Variants in STX18 observed in about 807,000 individuals in gnomAD.
STX18 encodes the protein syntaxin-18.
In STX18, 40 loss-of-function variants were observed where a neutral mutation model predicts 50.1. The observed-to-expected ratio is 0.80, with a 90% CI of 0.62 to 1.04. The LOEUF (loss-of-function observed/expected upper bound fraction) is 1.04. Among genes scored for constraint, STX18 ranks in the 50% least tolerant of loss-of-function variants. The pLI is 0.00. For synonymous variants in STX18, 158 were observed against 151.8 expected, an observed-to-expected ratio of 1.04 and a Z score of -0.30; for missense variants, 410 against 415.8, an observed-to-expected ratio of 0.99 and a Z score of 0.12.
intron 1 of STX18, among the ~76,000 whole-genome samples, chr4:4,525,395 T>A (rs763669872): frequency 1.3e-5 from 2 of 152,210 alleles, no homozygotes; most frequent in African/African-American, 4.8e-5. Flanking sequence ...AAAAACTAAA[T>A]GGAAAACTGG....
In STX18 at chr4:4,508,202, C is replaced by A. The variant is rs536214517; in HGVS notation, c.168+33595G>T. On this transcript the variant is annotated intron_variant, in intron 1 of 10. Transcript: ENST00000306200. ...TTCAACTTAGGGCTCATATCTGAAA[C>A]CACTGTTACTTTGTTTTTGTTTTTT... 2.6e-5 allele frequency among the ~76,000 whole-genome samples: 4 copies of A among 152,308 alleles called. No individual in the cohort carries two copies. In the East Asian group the frequency reaches 7.7e-4, roughly 29 times the overall value.
intron 7 of STX18, among the ~76,000 whole-genome samples, chr4:4,431,863 A>C (rs1725533980): frequency 6.6e-6 from 1 of 152,030 alleles, no homozygotes; most frequent in Non-Finnish European, 1.5e-5. Context: ...GGCCCTCCTC[A>C]TCTCTCAACC....
Position 4,490,233 on chromosome 4 carries a change from A to C in STX18, c.169-18527T>G, listed in dbSNP as rs553242273. On this transcript the variant is annotated intron_variant, in intron 1 of 10. Coordinates refer to ENST00000306200, the MANE Select transcript of STX18 (RefSeq NM_016930.4). ...TTTCGAAAGCTCTACAGCATTAGTC[A>C]GCATTATCTGATCAAATATTAGCAT... is the stretch of plus-strand genomic sequence containing the variant. Among the ~76,000 whole-genome samples the C allele has an allele frequency of 2.0e-5, 3 of 152,330 alleles. No individual in the cohort carries two copies. In the South Asian group the frequency reaches 6.2e-4, roughly 32 times the overall value.
At chr4:4,471,404 G>A (rs996362343) in intron 2 of STX18, among the ~76,000 whole-genome samples, 2 of 152,158 alleles carry the variant, frequency 1.3e-5, no homozygotes, top group East Asian at 3.9e-4. Context: ...GGAGATAATG[G>A]TACATAGAGA....
chr4:4,480,652 TA>T (rs1184880939), intron 1 of STX18, among the ~76,000 whole-genome samples: 7 of 152,214 alleles, frequency 4.6e-5, no homozygotes, highest in Admixed American at 4.6e-4. Flanking sequence ...TTTCTTTTTT[TA>T]AAAAACTTTT....
chr4:4,444,787 C>T (rs1285166887), intron 5 of STX18, among the ~76,000 whole-genome samples: 1 of 150,034 alleles, frequency 6.7e-6, no homozygotes, highest in African/African-American at 2.5e-5. Context: ...CTGTGATATA[C>T]ACATAAAAAA....
At chr4:4,538,903 G>A (rs1731458698) in intron 1 of STX18, among the ~76,000 whole-genome samples, 1 of 152,132 alleles carries the variant, frequency 6.6e-6, no homozygotes, top group African/African-American at 2.4e-5. Flanking sequence ...AATAATATAA[G>A]TTCCTCCCCC....
intron 1 of STX18, chr4:4,478,746 C>T (rs1728317487): frequency 1.3e-5 from 2 of 152,276 alleles, no homozygotes; most frequent in African/African-American, 4.8e-5. Context: ...GGCCTATCTC[C>T]CAACCTTTAC....
chr4:4,479,834 A>T (rs1190258519), intron 1 of STX18, among the ~76,000 whole-genome samples: 1 of 152,240 alleles, frequency 6.6e-6, no homozygotes, highest in Non-Finnish European at 1.5e-5. Context: ...ATACACATAA[A>T]GGTTTTACTA....
At chr4:4,491,645 T>C (rs1728947130) in intron 1 of STX18, among the ~76,000 whole-genome samples, 1 of 152,146 alleles carries the variant, frequency 6.6e-6, no homozygotes, top group South Asian at 2.1e-4. Context: ...AATGGCTATG[T>C]ACTTTTAAAA....
At chr4:4,519,110 G>C (rs1227304006) in intron 1 of STX18, among the ~76,000 whole-genome samples, 1 of 152,058 alleles carries the variant, frequency 6.6e-6, no homozygotes, top group Non-Finnish European at 1.5e-5. Flanking sequence ...CAAAATCACG[G>C]TGTGACCACA....
chr4:4,509,549 G>C (rs1434991709), intron 1 of STX18, among the ~76,000 whole-genome samples: 1 of 152,008 alleles, frequency 6.6e-6, no homozygotes, highest in Non-Finnish European at 1.5e-5. Flanking sequence ...GGAGTCGAAA[G>C]ACCCTAATTT....
At chr4:4,512,297 G>T (rs1384862710) in intron 1 of STX18, among the ~76,000 whole-genome samples, 2 of 151,968 alleles carry the variant, frequency 1.3e-5, no homozygotes, top group African/African-American at 2.4e-5. Context: ...TGAAATCCAG[G>T]CCTCTGGACT....
intron 1 of STX18, among the ~76,000 whole-genome samples, chr4:4,511,202 A>G (rs937839195): frequency 2.0e-5 from 3 of 152,188 alleles, no homozygotes; most frequent in African/African-American, 7.2e-5. Flanking sequence ...AATCCATGCC[A>G]TGGCTTGAAT....
At chr4:4,505,067 G>A (rs1461490372) in intron 1 of STX18, among the ~76,000 whole-genome samples, 3 of 151,998 alleles carry the variant, frequency 2.0e-5, no homozygotes, top group Non-Finnish European at 4.4e-5. Context: ...CCCATTAGTG[G>A]TCACTCCCCA....
intron 9 of STX18, among the ~76,000 whole-genome samples, chr4:4,421,581 TTCCGCCACACTTACCATCCC>T (rs1359412990): frequency 3.9e-5 from 6 of 152,166 alleles, no homozygotes; most frequent in Admixed American, 2.0e-4. Flanking sequence ...GCAGTGCTCC[TTCCGCCACACTTACCATCCC>T]TCCTGCGCCA....
chr4:4,450,226 C>T (rs1726672994), intron 5 of STX18, among the ~76,000 whole-genome samples: 1 of 152,186 alleles, frequency 6.6e-6, no homozygotes, highest in Admixed American at 6.5e-5. Context: ...AAATTGAAAA[C>T]CGTGAATTCG....
chr4:4,500,265 T>TA (rs1577378380), intron 1 of STX18, among the ~76,000 whole-genome samples: 1 of 152,202 alleles, frequency 6.6e-6, no homozygotes, highest in Non-Finnish European at 1.5e-5. Context: ...TTTATGCACA[T>TA]AACTTGACCC....
chr4:4,507,747 G>T, intron 1 of STX18: 5 of 1,252,314 alleles, frequency 4.0e-6, no homozygotes, highest in Non-Finnish European at 5.6e-6. Context: ...TCACGGGCAA[G>T]GATGTTAATT....
Sources: allele counts gnomAD v4.1 joint callset (sites outside exome capture counted in the v4.1 genomes callset), GRCh38; gene constraint gnomAD v4.1.1; transcripts MANE v1.5; gene names NCBI Gene and HGNC (gene_info 2026-07-23, HGNC 2026-07-21).